Variants in PPP3CA observed in about 807,000 individuals in gnomAD.
PPP3CA encodes the protein protein phosphatase 3 catalytic subunit alpha.
PPP3CA carries 14 observed loss-of-function variants against 66.5 expected under a neutral mutation model. The ratio of observed to expected loss-of-function variants is 0.21; its 90% CI spans 0.14 to 0.33. The LOEUF (loss-of-function observed/expected upper bound fraction) is 0.33. PPP3CA is among the 10% of genes least tolerant of loss of function. PPP3CA has a pLI of 1.00. For synonymous variants in PPP3CA, 232 were observed against 226.2 expected (o/e 1.03, Z -0.23); for missense variants, 317 against 639.5 (o/e 0.50, Z 5.44).
At chr4:101,112,404 G>T (rs1382272571) in intron 2 of PPP3CA, among the ~76,000 whole-genome samples, 1 of 152,072 alleles carries the variant, frequency 6.6e-6, no homozygotes, top group Non-Finnish European at 1.5e-5. Flanking sequence ...ATAGAAAAAA[G>T]TAATTGCTGT....
intron 6 of PPP3CA, 66 bp from the exon 7 acceptor site, chr4:101,083,329 C>T: frequency 7.5e-7 from 1 of 1,332,824 alleles, no homozygotes; most frequent in Non-Finnish European, 1.1e-6. Context: ...ACATTTATCT[C>T]TAACATCCAG....
intron 1 of PPP3CA, among the ~76,000 whole-genome samples, chr4:101,295,217 C>T (rs1044303274): frequency 3.4e-5 from 5 of 145,338 alleles, no homozygotes; most frequent in African/African-American, 7.6e-5. Context: ...AGGAGAATGG[C>T]GTGAACCCGG....
chr4:101,251,775 C>G (rs867587998), intron 1 of PPP3CA, among the ~76,000 whole-genome samples: 1 of 152,092 alleles, frequency 6.6e-6, no homozygotes, highest in Admixed American at 6.6e-5. Flanking sequence ...ATGAAGTGTA[C>G]ACTGCGTTTA....
At chr4:101,133,228 T>C (rs556688019) in intron 2 of PPP3CA, among the ~76,000 whole-genome samples, 40 of 152,226 alleles carry the variant, frequency 2.6e-4, no homozygotes, top group Admixed American at 1.1e-3. Flanking sequence ...CTACTCAACA[T>C]AGTACTGGAA....
At chr4:101,057,664 A>G (rs754446313) in intron 10 of PPP3CA, among the ~76,000 whole-genome samples, 2 of 152,206 alleles carry the variant, frequency 1.3e-5, no homozygotes, top group Non-Finnish European at 2.9e-5. Flanking sequence ...CCCTGTTTAG[A>G]AAGGAGAAAA....
chr4:101,256,503 T>A (rs1726847270), intron 1 of PPP3CA, among the ~76,000 whole-genome samples: 2 of 151,946 alleles, frequency 1.3e-5, no homozygotes, highest in Admixed American at 1.3e-4. Context: ...ACTGGCCAAC[T>A]CCAAAGGCAA....
At chr4:101,134,239 T>C (rs1447026581) in intron 2 of PPP3CA, among the ~76,000 whole-genome samples, 4 of 152,020 alleles carry the variant, frequency 2.6e-5, no homozygotes, top group Admixed American at 6.6e-5. Context: ...AATTGACAAA[T>C]AGGATCTAAT....
chr4:101,271,261 A>G (rs1417168623), intron 1 of PPP3CA, among the ~76,000 whole-genome samples: 3 of 152,160 alleles, frequency 2.0e-5, no homozygotes, highest in African/African-American at 7.2e-5. Flanking sequence ...TTATGCATTT[A>G]GCTAGTAAGT....
chr4:101,256,206 TTAGTTTGCTCTC>T (rs755581001), intron 1 of PPP3CA, among the ~76,000 whole-genome samples: 52,767 of 151,738 alleles, frequency 0.35, 10,256 homozygotes, highest in East Asian at 0.67. Flanking sequence ...AAATGCTATA[TTAGTTTGCTCTC>T]TGAATAGAGT....
At chr4:101,058,568 A>G (rs764366691) in intron 10 of PPP3CA, among the ~76,000 whole-genome samples, 3 of 152,206 alleles carry the variant, frequency 2.0e-5, no homozygotes, top group Non-Finnish European at 4.4e-5. Context: ...AAATTCTTCC[A>G]AGGACCTTAA....
At chr4:101,045,093 G>A (rs1160981255) in intron 10 of PPP3CA, among the ~76,000 whole-genome samples, 1 of 152,214 alleles carries the variant, frequency 6.6e-6, no homozygotes, top group African/African-American at 2.4e-5. Context: ...TGAATTAGTA[G>A]TGTGCAGAAA....
At chr4:101,098,317 TA>T (rs772667686) in intron 5 of PPP3CA, 49 bp downstream of exon 5, 72 of 1,504,778 alleles carry the variant, frequency 4.8e-5, no homozygotes, top group Non-Finnish European at 5.8e-5. Context: ...GTCTTCTATT[TA>T]TTACTGTAGC....
At chr4:101,249,693 T>C (rs1249320125) in intron 1 of PPP3CA, among the ~76,000 whole-genome samples, 1 of 152,208 alleles carries the variant, frequency 6.6e-6, no homozygotes, top group Non-Finnish European at 1.5e-5. Flanking sequence ...AAATGACTTT[T>C]AAAATATTTA....
chr4:101,336,031 C>T (rs1055633424), intron 1 of PPP3CA, among the ~76,000 whole-genome samples: 2 of 149,892 alleles, frequency 1.3e-5, no homozygotes, highest in African/African-American at 4.9e-5. Context: ...ATGGTGAAAC[C>T]CCATCTCTAC....
intron 1 of PPP3CA, among the ~76,000 whole-genome samples, chr4:101,271,674 A>T (rs1006268512): frequency 6.6e-6 from 1 of 152,168 alleles, no homozygotes; most frequent in African/African-American, 2.4e-5. Flanking sequence ...TTCCCCTCCC[A>T]TCTTTAGGAA....
chr4:101,143,428 C>T (rs961953122), intron 2 of PPP3CA, among the ~76,000 whole-genome samples: 3 of 152,126 alleles, frequency 2.0e-5, no homozygotes, highest in Admixed American at 2.0e-4. Flanking sequence ...TGTCATATAG[C>T]TCCTCAGTCA....
At chr4:101,081,316 C>T (rs981133138) in intron 7 of PPP3CA, among the ~76,000 whole-genome samples, 1 of 152,058 alleles carries the variant, frequency 6.6e-6, no homozygotes. Context: ...TTATTTATTA[C>T]CAATCTCTGC....
chr4:101,178,632 A>C (rs990933361), intron 2 of PPP3CA, among the ~76,000 whole-genome samples: 1 of 152,094 alleles, frequency 6.6e-6, no homozygotes, highest in African/African-American at 2.4e-5. Context: ...AAATTGCATA[A>C]TTATCCAGAG....
At chr4:101,139,102 T>G (rs941285720) in intron 2 of PPP3CA, among the ~76,000 whole-genome samples, 1 of 152,058 alleles carries the variant, frequency 6.6e-6, no homozygotes, top group Non-Finnish European at 1.5e-5. Context: ...CCCAGCACTT[T>G]GGGAAGCTGA....
Sources: gnomAD v4.1 joint callset for allele counts (sites outside exome capture counted in the v4.1 genomes callset) on GRCh38, gnomAD v4.1.1 for gene constraint, MANE v1.5 for transcripts, NCBI Gene and HGNC (gene_info 2026-07-23, HGNC 2026-07-21) for gene names.